CUX1: variants seen among roughly 807,000 people sequenced by gnomAD.
CUX1 encodes the protein protein CASP.
In CUX1, 31 loss-of-function variants were observed where a neutral mutation model predicts 158.8. That is an observed-to-expected ratio of 0.20 (90% CI 0.15 to 0.26). The LOEUF is 0.26. CUX1 is among the 10% of genes least tolerant of loss of function. The pLI is 1.00. For synonymous variants in CUX1, 879 were observed against 862.1 expected (o/e 1.02, Z -0.34); for missense variants, 1,589 against 2,014.6 (o/e 0.79, Z 4.04).
intron 6 of CUX1, among the ~76,000 whole-genome samples, chr7:102,107,351 C>G (rs1351004072): frequency 2.0e-5 from 3 of 152,042 alleles, no homozygotes; most frequent in Non-Finnish European, 4.4e-5. Flanking sequence ...CCAGCCTGAC[C>G]AAGATGGTGA....
chr7:102,184,480 A>G (rs1430857669), intron 11 of CUX1, among the ~76,000 whole-genome samples: 1 of 152,042 alleles, frequency 6.6e-6, no homozygotes, highest in Non-Finnish European at 1.5e-5. Context: ...ATTCATTCTG[A>G]ATCTCCCCAT....
At chr7:102,061,919 C>T (rs1268484667) in intron 3 of CUX1, among the ~76,000 whole-genome samples, 1 of 152,192 alleles carries the variant, frequency 6.6e-6, no homozygotes, top group Non-Finnish European at 1.5e-5. Context: ...CTAGATTATG[C>T]TGCAGTAACA....
intron 2 of CUX1, among the ~76,000 whole-genome samples, chr7:101,940,415 G>A (rs1436556164): frequency 6.6e-6 from 1 of 152,070 alleles, no homozygotes; most frequent in Non-Finnish European, 1.5e-5. Context: ...GGTAGGCTGT[G>A]GTGCCTGCGG....
chr7:102,262,735 G>A (rs1790496517), downstream of CUX1, among the ~76,000 whole-genome samples: 1 of 152,228 alleles, frequency 6.6e-6, no homozygotes, highest in Non-Finnish European at 1.5e-5. Flanking sequence ...CCCAGCCTGG[G>A]AGACCCTGCA....
intron 1 of CUX1, among the ~76,000 whole-genome samples, chr7:101,826,372 C>T (rs1793298746): frequency 6.6e-6 from 1 of 151,614 alleles, no homozygotes; most frequent in Admixed American, 6.6e-5. Flanking sequence ...CTGATTTTTC[C>T]ATTTTTTTTT....
At chr7:101,873,352 G>A (rs1008963550) in intron 1 of CUX1, among the ~76,000 whole-genome samples, 2 of 101,630 alleles carry the variant, frequency 2.0e-5, no homozygotes, top group African/African-American at 4.2e-5. Context: ...CACCCCATAT[G>A]TTTTATTTTA....
chr7:101,881,942 C>T (rs1021727582), intron 1 of CUX1, among the ~76,000 whole-genome samples: 5 of 151,794 alleles, frequency 3.3e-5, no homozygotes, highest in African/African-American at 1.2e-4. Flanking sequence ...TTTTGGGAGG[C>T]TGAGGCAGGA....
intron 2 of CUX1, among the ~76,000 whole-genome samples, chr7:101,967,483 A>G (rs1172384406): frequency 6.6e-6 from 1 of 152,214 alleles, no homozygotes. Context: ...AGAAGCCTTT[A>G]AAAGCTTCTT....
chr7:101,925,928 C>T (rs1364845244), intron 2 of CUX1, among the ~76,000 whole-genome samples: 1 of 149,358 alleles, frequency 6.7e-6, no homozygotes, highest in African/African-American at 2.5e-5. Flanking sequence ...AGAGTTATAA[C>T]CCCCGTCTCA....
chr7:102,250,117 C>T lies in CUX1; in HGVS notation c.*1075C>T. ...GGTATTTTATAATCTGCTTTTTAACCTCTAACCGCAGAGCACGCTGATCAG... is the reference window on the plus strand; with the variant it reads ...GGTATTTTATAATCTGCTTTTTAACTTCTAACCGCAGAGCACGCTGATCAG... On this transcript the variant is annotated 3_prime_UTR_variant, in exon 24 of 24. Transcript: ENST00000292535. 3 of 985,194 alleles carry T rather than the reference C, an allele frequency of 3.0e-6. No homozygotes were observed. The highest frequency in any genetic ancestry group is 4.7e-5 in the South Asian group (1 of 21,280). 61.0% of individuals were successfully genotyped at this position (985,194 alleles called of 1,614,324 possible).
intron 8 of CUX1, among the ~76,000 whole-genome samples, chr7:102,126,177 C>CTGTGTGTGTGTGTG (rs3988138): frequency 0.011 from 1,489 of 135,506 alleles, 31 homozygotes; most frequent in African/African-American, 0.036. Context: ...CCATTTCCGG[C>CTGTGTGTGTGTGTG]TGTGTGTGTG....
chr7:101,858,882 A>T (rs567942622), intron 1 of CUX1, among the ~76,000 whole-genome samples: 38 of 151,988 alleles, frequency 2.5e-4, no homozygotes, highest in African/African-American at 8.2e-4. Context: ...GCCAGGCTGG[A>T]CTCAAACTCC....
At chr7:101,985,388 TG>T (rs1005268890) in intron 2 of CUX1, among the ~76,000 whole-genome samples, 1 of 152,142 alleles carries the variant, frequency 6.6e-6, no homozygotes, top group Non-Finnish European at 1.5e-5. Context: ...TAGCCTGGCA[TG>T]GTGTCAGTAC....
At chr7:102,017,930 GT>G (rs1406129928) in intron 2 of CUX1, among the ~76,000 whole-genome samples, 1 of 152,162 alleles carries the variant, frequency 6.6e-6, no homozygotes, top group Non-Finnish European at 1.5e-5. Flanking sequence ...AATCACAGAT[GT>G]ATTTTCAAAG....
chr7:102,013,089 T>TA (rs1818212264), intron 2 of CUX1, among the ~76,000 whole-genome samples: 1 of 150,408 alleles, frequency 6.6e-6, no homozygotes, highest in South Asian at 2.1e-4. Context: ...CTCAAATACT[T>TA]ACTAGTTTAA....
At chr7:102,095,263 G>A (rs1325152535) in intron 4 of CUX1, among the ~76,000 whole-genome samples, 1 of 151,986 alleles carries the variant, frequency 6.6e-6, no homozygotes, top group Non-Finnish European at 1.5e-5. Flanking sequence ...GGCCACCCTC[G>A]GCCTCCCAAA....
chr7:102,259,396 T>G (rs2694152), downstream of CUX1, among the ~76,000 whole-genome samples: 138,167 of 151,652 alleles, frequency 0.91, 63,122 homozygotes, highest in East Asian at 0.98. Context: ...AAGACCAGCC[T>G]GGCCAACATG....
chr7:102,050,651 A>G (rs1330507475), intron 3 of CUX1, among the ~76,000 whole-genome samples: 1 of 152,014 alleles, frequency 6.6e-6, no homozygotes, highest in African/African-American at 2.4e-5. Context: ...CTCTGGGAGA[A>G]GCTATGTTCA....
At chr7:101,892,765 G>C (rs1801033513) in intron 1 of CUX1, among the ~76,000 whole-genome samples, 1 of 152,038 alleles carries the variant, frequency 6.6e-6, no homozygotes, top group African/African-American at 2.4e-5. Context: ...CCCTGCAAGA[G>C]AATGAGGGAG....
Sources: gnomAD v4.1 joint callset for allele counts (sites outside exome capture counted in the v4.1 genomes callset) on GRCh38, gnomAD v4.1.1 for gene constraint, MANE v1.5 for transcripts, NCBI Gene and HGNC (gene_info 2026-07-23, HGNC 2026-07-21) for gene names.